Variants in DIO2 observed in about 807,000 individuals in gnomAD.
DIO2 encodes the protein iodothyronine deiodinase 2, also known as type II iodothyronine deiodinase.
Under a neutral mutation model 21.4 loss-of-function variants are expected in DIO2, and 19 were observed. That is an observed-to-expected ratio of 0.89 (90% confidence interval 0.62 to 1.30). The LOEUF (loss-of-function observed/expected upper bound fraction) is 1.30, where lower values mean the gene tolerates loss of function less well. Ranked by LOEUF, DIO2 falls within the 50% of genes most tolerant of loss-of-function variation. DIO2 has a pLI of 0.00. For missense variants in DIO2, 302 were observed against 338.1 expected (o/e 0.89, Z 0.84); for synonymous variants, 122 against 132.9 (o/e 0.92, Z 0.57).
chr14:80,228,276 T>G (rs1238800554), intron 2 of DIO2, among the ~76,000 whole-genome samples: 1 of 152,214 alleles, frequency 6.6e-6, no homozygotes, highest in Admixed American at 6.5e-5. Flanking sequence ...GTGAGCCTTA[T>G]GGACAGGAAT....
intron 2 of DIO2, among the ~76,000 whole-genome samples, chr14:80,224,496 T>TACACACACGC (rs1555355393): frequency 1.4e-5 from 2 of 138,380 alleles, no homozygotes; most frequent in Admixed American, 7.6e-5. Context: ...AGAGAGATAC[T>TACACACACGC]ACACACACAC....
rs1440105271 is a variant in DIO2, at chr14:80,202,300, C to T, written c.*389G>A. ...ATGCCAAATAGAGCCAAGGCAATAC[C>T]CTTTATCTTAACGTAGACAGTAGCT... On this transcript the variant is annotated 3_prime_UTR_variant, in exon 2 of 2. Transcript: ENST00000438257. 3.8e-6 allele frequency: 2 copies of T among 525,346 alleles called. No individual in the cohort carries two copies. Among genetic ancestry groups the T allele is most frequent in the East Asian group, 5.4e-5 (1 of 18,596 alleles). 32.5% of individuals were successfully genotyped at this position (525,346 alleles called of 1,614,324 possible).
intron 2 of DIO2, among the ~76,000 whole-genome samples, chr14:80,219,963 G>A (rs1489963623): frequency 6.6e-6 from 1 of 152,058 alleles, no homozygotes; most frequent in East Asian, 1.9e-4. Context: ...ACATAATTAG[G>A]AATGGATAAC....
At chr14:80,221,588 T>C (rs1888466710) in intron 2 of DIO2, among the ~76,000 whole-genome samples, 1 of 152,160 alleles carries the variant, frequency 6.6e-6, no homozygotes, top group Admixed American at 6.5e-5. Flanking sequence ...TATCCCAAAA[T>C]GCAATGTACT....
In DIO2 at chr14:80,211,461, G is replaced by A. The variant is rs1488361791; in HGVS notation, c.12C>T (p.Leu4=). MGI[L]SVDLLITLQI... ...GCAGTGTGATCAGCAAGTCTACGCT[G>A]AGGATGCCCATCTTCTCTGCCTCCT... The change falls in exon 1 of 2, where the codon CTC becomes CTT. Residue 4 remains leucine, a synonymous_variant. Coordinates refer to ENST00000438257, the MANE Select transcript of DIO2 (RefSeq NM_013989.5). 5 of 1,608,720 alleles carry A rather than the reference G, an allele frequency of 3.1e-6. No homozygotes were observed. The highest frequency in any genetic ancestry group is 1.6e-4 in the Middle Eastern group (1 of 6,076).
intron 2 of DIO2, among the ~76,000 whole-genome samples, chr14:80,217,625 C>T (rs1262232082): frequency 6.6e-6 from 1 of 152,142 alleles, no homozygotes; most frequent in Non-Finnish European, 1.5e-5. Context: ...GATGTGACCA[C>T]TTAGCTAAAT....
At chr14:80,209,142 A>T (rs1888066064) in intron 1 of DIO2, among the ~76,000 whole-genome samples, 2 of 152,206 alleles carry the variant, frequency 1.3e-5, no homozygotes, top group African/African-American at 4.8e-5. Context: ...TGAAAAAAAC[A>T]ATAAACTTTA....
chr14:80,214,892 A>G (rs1888315868), upstream of DIO2, among the ~76,000 whole-genome samples: 1 of 152,156 alleles, frequency 6.6e-6, no homozygotes, highest in Non-Finnish European at 1.5e-5. Context: ...CCTAACTCTA[A>G]ATAAGCCTCA....
rs369888390 is a variant in DIO2, at chr14:80,203,242, G to C, written c.269C>G (p.Ser90Cys). Residue 90 changes from serine to cysteine, a missense_variant, in exon 2 of 2, where the codon TCC (serine) becomes TGC (cysteine). By Grantham distance (112) the Ser-to-Cys change is moderately radical. Transcript: ENST00000438257. ...DAPNSSVVHV[S>C]STEGGDNSGN... is the part of the protein sequence containing the mutation. Reference sequence around the variant, plus strand: ...ACTGTTGTCACCTCCTTCTGTACTGGAGACATGCACCACACTGGAATTGGG... The same window carrying C: ...ACTGTTGTCACCTCCTTCTGTACTGCAGACATGCACCACACTGGAATTGGG... The C allele has an allele frequency of 6.2e-7, 1 of 1,606,458 alleles. No homozygotes were observed. Among genetic ancestry groups the C allele is most frequent in the African/African-American group, 1.3e-5 (1 of 74,122 alleles).
At chr14:80,209,937 G>C (rs755461725) in intron 1 of DIO2, among the ~76,000 whole-genome samples, 5 of 152,096 alleles carry the variant, frequency 3.3e-5, no homozygotes, top group African/African-American at 7.2e-5. Flanking sequence ...TTGGCGCATG[G>C]TTTTAGTTTT....
At chr14:80,207,935 G>C (rs565192099) in intron 1 of DIO2, among the ~76,000 whole-genome samples, 3 of 152,306 alleles carry the variant, frequency 2.0e-5, no homozygotes, top group Admixed American at 1.3e-4. Context: ...GGCTTGAGGT[G>C]AATGAAGAGG....
chr14:80,206,782 T>C (rs1245753893), intron 1 of DIO2, among the ~76,000 whole-genome samples: 2 of 152,164 alleles, frequency 1.3e-5, no homozygotes, highest in Non-Finnish European at 2.9e-5. Context: ...TCTTAGAGGG[T>C]TTGTGTTTGG....
At chr14:80,222,733 A>G (rs865795814) in intron 2 of DIO2, among the ~76,000 whole-genome samples, 1 of 152,212 alleles carries the variant, frequency 6.6e-6, no homozygotes, top group Non-Finnish European at 1.5e-5. Context: ...CAGCAATTTC[A>G]TATGGTTTAA....
intron 2 of DIO2, among the ~76,000 whole-genome samples, chr14:80,219,999 T>C (rs1888433739): frequency 1.3e-5 from 2 of 152,104 alleles, no homozygotes; most frequent in African/African-American, 2.4e-5. Context: ...ATAAAGTTGA[T>C]AGAGATCAAC....
chr14:80,227,759 C>T (rs551660406), intron 2 of DIO2, among the ~76,000 whole-genome samples: 27 of 152,148 alleles, frequency 1.8e-4, no homozygotes, highest in Non-Finnish European at 3.4e-4. Context: ...GAACCTTCTC[C>T]GGTTCTGGAT....
chr14:80,202,266 G>A lies in DIO2; in HGVS notation c.*423C>T. The A allele has an allele frequency of 7.7e-6, 4 of 516,712 alleles. No homozygotes were observed. Among genetic ancestry groups the A allele is most frequent in the South Asian group, 5.7e-5 (4 of 70,672 alleles). 32.0% of individuals were successfully genotyped at this position (516,712 alleles called of 1,614,324 possible). ...TAATATTTGGGAATTTTCCAACTGG[G>A]CTCCATCCATGCCAAATAGAGCCAA... is the stretch of plus-strand genomic sequence containing the variant. On this transcript the variant is annotated 3_prime_UTR_variant, in exon 2 of 2. Transcript: ENST00000438257.
Position 80,203,100 on chromosome 14 carries a change from C to T in DIO2, c.411G>A (p.Thr137=), listed in dbSNP as rs1566660281. The T allele has an allele frequency of 1.2e-6, 2 of 1,613,858 alleles. No homozygotes were observed. The highest frequency in any genetic ancestry group is 8.5e-7 in the Non-Finnish European group (1 of 1,179,864). ...NFGSATUPPF[T]SQLPAFRKLV... is the part of the protein sequence containing the mutation. Reference sequence around the variant, plus strand: ...GTTTGCGGAAGGCTGGCAGCTGGCTCGTGAAAGGAGGTCAAGTGGCTGAGC... The same window carrying T: ...GTTTGCGGAAGGCTGGCAGCTGGCTTGTGAAAGGAGGTCAAGTGGCTGAGC... Residue 137 remains threonine, a synonymous_variant, in exon 2 of 2, where the codon ACG becomes ACA. Coordinates refer to ENST00000438257, the MANE Select transcript of DIO2 (RefSeq NM_013989.5).
upstream of DIO2, among the ~76,000 whole-genome samples, chr14:80,216,502 A>C (rs1888364298): frequency 6.6e-6 from 1 of 151,846 alleles, no homozygotes; most frequent in Non-Finnish European, 1.5e-5. Flanking sequence ...AGGTGCCTTG[A>C]CTCTTATTTG....
chr14:80,213,219 C>T (rs368089479), upstream of DIO2, among the ~76,000 whole-genome samples: 14 of 152,256 alleles, frequency 9.2e-5, no homozygotes, highest in Non-Finnish European at 2.1e-4. Context: ...AATGGCATGA[C>T]CCCCACTTTA....
Sources: gnomAD v4.1 joint callset for allele counts (sites outside exome capture counted in the v4.1 genomes callset) on GRCh38, gnomAD v4.1.1 for gene constraint, MANE v1.5 for transcripts, NCBI Gene and HGNC (gene_info 2026-07-23, HGNC 2026-07-21) for gene names.